Variants in TMCO6 observed in about 807,000 individuals in gnomAD.
TMCO6 encodes transmembrane and coiled-coil domain-containing protein 6.
TMCO6 carries 47 observed loss-of-function variants against 61.8 expected under a neutral mutation model. The observed-to-expected ratio is 0.76, with a 90% confidence interval of 0.60 to 0.97. TMCO6 has a LOEUF of 0.97. Ranked by LOEUF, TMCO6 falls within the 50% of genes least tolerant of loss-of-function variation. The pLI, the probability that TMCO6 is intolerant of heterozygous loss-of-function variation, is 0.00. For missense variants in TMCO6, 557 were observed against 601.6 expected (o/e 0.93, Z 0.78); for synonymous variants, 261 against 254.2 (o/e 1.03, Z -0.25).
chr5:140,615,491 T>C, the TMCO6 span, among the ~76,000 whole-genome samples: 1 of 151,902 alleles, frequency 6.6e-6, no homozygotes, highest in Non-Finnish European at 1.5e-5. Context: ...CAAAACAATC[T>C]TGGGAAAAAA....
intron 2 of TMCO6, chr5:140,640,960 TA>T (rs1756991674): frequency 1.3e-5 from 2 of 153,906 alleles, no homozygotes; most frequent in South Asian, 4.1e-4. Context: ...TGTTGACATA[TA>T]TATTATCAAC....
chr5:140,643,865 A>G lies in TMCO6; in HGVS notation c.1004A>G (p.Asp335Gly). Residue 335 changes from aspartate (D) to glycine (G), a missense_variant, in exon 9 of 12, where the codon GAT becomes GGT. Coordinates refer to ENST00000394671, the MANE Select transcript of TMCO6 (RefSeq NM_018502.5). ...ETVGGQMQLR[D>G]ERVVAALFIL... is the part of the protein sequence containing the mutation. ...GTGGGAGGGCAAATGCAGCTCAGAGATGAGCGTGTTGTGGCAGCCTTATTT... is the reference window on the plus strand; with the variant it reads ...GTGGGAGGGCAAATGCAGCTCAGAGGTGAGCGTGTTGTGGCAGCCTTATTT... 1 of 1,614,220 alleles carries G rather than the reference A, an allele frequency of 6.2e-7. No homozygotes were observed. Among genetic ancestry groups the G allele is most frequent in the East Asian group, 2.2e-5 (1 of 44,884 alleles).
At chr5:140,610,337 C>T in the TMCO6 span, among the ~76,000 whole-genome samples, 110 of 152,018 alleles carry the variant, frequency 7.2e-4, no homozygotes, top group Middle Eastern at 3.4e-3. Context: ...AGCCTGGCGA[C>T]GGCACAAGAC....
chr5:140,621,482 C>A, the TMCO6 span, among the ~76,000 whole-genome samples: 1 of 152,110 alleles, frequency 6.6e-6, no homozygotes, highest in Non-Finnish European at 1.5e-5. Context: ...TAATCTCAAT[C>A]CTGTCAGCTG....
At chr5:140,606,434 G>A in the TMCO6 span, among the ~76,000 whole-genome samples, 5 of 151,796 alleles carry the variant, frequency 3.3e-5, no homozygotes, top group Non-Finnish European at 7.4e-5. Context: ...TGTCAATTTT[G>A]TTGATCTTTT....
the TMCO6 span, among the ~76,000 whole-genome samples, chr5:140,607,112 A>G: frequency 6.6e-6 from 1 of 152,198 alleles, no homozygotes; most frequent in African/African-American, 2.4e-5. Context: ...TTGCATTCAC[A>G]ATATTGTGCA....
the TMCO6 span, among the ~76,000 whole-genome samples, chr5:140,604,884 A>G: frequency 2.6e-5 from 4 of 151,462 alleles, no homozygotes; most frequent in South Asian, 8.3e-4. Context: ...ATCAAAAATC[A>G]GTTGGTTATA....
intron 2 of TMCO6, among the ~76,000 whole-genome samples, chr5:140,640,323 G>A (rs1467680532): frequency 1.3e-5 from 2 of 151,912 alleles, no homozygotes; most frequent in Admixed American, 1.3e-4. Flanking sequence ...CGATATATCG[G>A]ATTTGTGTCT....
rs144969215 is a variant in TMCO6 at position 140,640,807 on chromosome 5, A to C, written c.199-858A>C. ...ACCTAGATCCTGTGTTGTCATTGAA[A>C]ACCCGGTTGCCTGCACATTATCTGG... On this transcript the variant is annotated intron_variant, in intron 2 of 11. Transcript: ENST00000394671. Among the ~76,000 whole-genome samples, 387 of 152,312 alleles carry C rather than the reference A, an allele frequency of 2.5e-3. 1 individual carries two copies. Among genetic ancestry groups the C allele is most frequent in the African/African-American group, 8.8e-3 (366 of 41,572 alleles).
upstream of TMCO6, among the ~76,000 whole-genome samples, chr5:140,636,207 A>G (rs897053145): frequency 6.6e-6 from 1 of 152,178 alleles, no homozygotes; most frequent in African/African-American, 2.4e-5. Context: ...CATGTTGGTC[A>G]TGCTGGTCTC....
the TMCO6 span, among the ~76,000 whole-genome samples, chr5:140,628,274 T>C: frequency 6.6e-6 from 1 of 152,164 alleles, no homozygotes; most frequent in Non-Finnish European, 1.5e-5. Flanking sequence ...TTTCCCTCTT[T>C]CTTAGGTCTG....
At chr5:140,646,105 G>C (rs558084975), downstream of TMCO6, among the ~76,000 whole-genome samples, 1 of 151,658 alleles carries the variant, frequency 6.6e-6, no homozygotes, top group East Asian at 1.9e-4. Flanking sequence ...CCACCTCCTG[G>C]GTTCAAGCAA....
At chr5:140,622,596 A>G in the TMCO6 span, among the ~76,000 whole-genome samples, 1 of 152,176 alleles carries the variant, frequency 6.6e-6, no homozygotes, top group Non-Finnish European at 1.5e-5. Context: ...CAGAACTGTT[A>G]TTCCAGATAC....
At chr5:140,625,889 CA>C in the TMCO6 span, among the ~76,000 whole-genome samples, 1 of 152,144 alleles carries the variant, frequency 6.6e-6, no homozygotes, top group Non-Finnish European at 1.5e-5. Context: ...GTAGAGGAGG[CA>C]TAGGGAGTTG....
chr5:140,647,140 C>T (rs1220068223), downstream of TMCO6: 13 of 1,136,154 alleles, frequency 1.1e-5, no homozygotes, highest in South Asian at 3.3e-5. Flanking sequence ...AACAGCAAGG[C>T]TAAAGTCCGA....
the TMCO6 span, chr5:140,632,214 C>T: frequency 3.7e-6 from 6 of 1,613,544 alleles, no homozygotes; most frequent in South Asian, 5.5e-5. The surrounding 1 kb of genome is among the most constrained non-coding windows in gnomAD (Gnocchi z 6.2). Context: ...CGAGTTGTGG[C>T]TGAGGTCTAG....
At chr5:140,627,768 C>A in the TMCO6 span, among the ~76,000 whole-genome samples, 1 of 149,236 alleles carries the variant, frequency 6.7e-6, no homozygotes, top group African/African-American at 2.5e-5. Context: ...TGGTGGCGGG[C>A]GCATGTAGTC....
chr5:140,631,867 C>T, the TMCO6 span: 1 of 1,561,652 alleles, frequency 6.4e-7, no homozygotes, highest in Non-Finnish European at 8.7e-7. Context: ...TAGGCAAAGC[C>T]CCGGGCCCCT....
At chr5:140,614,073 G>T in the TMCO6 span, among the ~76,000 whole-genome samples, 1 of 151,914 alleles carries the variant, frequency 6.6e-6, no homozygotes, top group Non-Finnish European at 1.5e-5. Flanking sequence ...TAATTTTTTT[G>T]TATTTTTAGT....
Sources: gnomAD v4.1 joint callset for allele counts (sites outside exome capture counted in the v4.1 genomes callset) on GRCh38, gnomAD v4.1.1 for gene constraint, Gnocchi (gnomAD v3.1) non-coding constraint, MANE v1.5 for transcripts, NCBI Gene and HGNC (gene_info 2026-07-23, HGNC 2026-07-21) for gene names.